Variants in CCDC102B observed in about 807,000 individuals in gnomAD.
The protein encoded by CCDC102B is coiled-coil domain-containing protein 102B.
CCDC102B carries 75 observed loss-of-function variants against 57.4 expected under a neutral mutation model. The ratio of observed to expected loss-of-function variants is 1.31; its 90% CI spans 1.08 to 1.58. CCDC102B has a LOEUF of 1.58. CCDC102B is among the 40% of genes most tolerant of loss of function. The pLI is 0.00. For missense variants in CCDC102B, 636 were observed against 582.6 expected (o/e 1.09, Z -0.94); for synonymous variants, 206 against 201.9 (o/e 1.02, Z -0.17).
rs535114770 is a variant in CCDC102B, at chr18:69,003,017, C to A, written c.1264-7917C>A. On this transcript the variant is annotated intron_variant, in intron 6 of 7. Coordinates refer to ENST00000360242, the MANE Select transcript of CCDC102B (RefSeq NM_024781.3). ...TCATCTTGTCCTCCAATGCTATCTT[C>A]CAGTCTTTCACTTTCTAACGGAAGT... Among the ~76,000 whole-genome samples the A allele has an allele frequency of 3.4e-4, 52 of 152,270 alleles. 1 individual carries two copies. The South Asian group carries it at 0.01, about 30-fold the overall frequency.
intron 1 of CCDC102B, among the ~76,000 whole-genome samples, chr18:68,822,998 C>A (rs1188614792): frequency 6.6e-6 from 1 of 152,172 alleles, no homozygotes; most frequent in African/African-American, 2.4e-5. Flanking sequence ...CCACACTCCC[C>A]TGTAGCACAA....
chr18:68,927,927 G>T (rs2041531326), intron 6 of CCDC102B, among the ~76,000 whole-genome samples: 1 of 151,860 alleles, frequency 6.6e-6, no homozygotes, highest in Admixed American at 6.6e-5. Context: ...CATCTATTCA[G>T]TCATCTTCAG....
intron 6 of CCDC102B, among the ~76,000 whole-genome samples, chr18:68,906,964 TA>T (rs59276928): frequency 0.023 from 3,566 of 151,792 alleles, 146 homozygotes; most frequent in African/African-American, 0.082. Context: ...ACCATTAATC[TA>T]TTTTGAGTTA....
chr18:68,995,015 C>T (rs766173461), intron 6 of CCDC102B, among the ~76,000 whole-genome samples: 2 of 152,136 alleles, frequency 1.3e-5, no homozygotes, highest in Non-Finnish European at 2.9e-5. Flanking sequence ...AATGCTAATA[C>T]CTTAATGGAC....
chr18:68,835,932 A>G (rs955663519), intron 1 of CCDC102B, among the ~76,000 whole-genome samples: 4 of 152,174 alleles, frequency 2.6e-5, no homozygotes, highest in Non-Finnish European at 5.9e-5. Flanking sequence ...GGCTGCCTTG[A>G]GACTAGTCAA....
intron 6 of CCDC102B, among the ~76,000 whole-genome samples, chr18:68,911,473 C>G (rs1233450944): frequency 6.6e-6 from 1 of 150,784 alleles, no homozygotes; most frequent in Non-Finnish European, 1.5e-5. Context: ...TCAGAAAAGG[C>G]CGGGCGCGGT....
chr18:68,939,896 C>T (rs2145164673), intron 6 of CCDC102B, among the ~76,000 whole-genome samples: 1 of 151,892 alleles, frequency 6.6e-6, no homozygotes, highest in South Asian at 2.1e-4. Context: ...AATACCAAAT[C>T]CTTTGAACAT....
intron 5 of CCDC102B, among the ~76,000 whole-genome samples, chr18:68,883,429 T>C (rs895312755): frequency 6.6e-6 from 1 of 151,942 alleles, no homozygotes; most frequent in Non-Finnish European, 1.5e-5. Flanking sequence ...AAAATGTATA[T>C]GTATAAAAAG....
chr18:69,019,267 G>C (rs991362774), intron 7 of CCDC102B, among the ~76,000 whole-genome samples: 2 of 151,870 alleles, frequency 1.3e-5, no homozygotes, highest in African/African-American at 4.8e-5. Flanking sequence ...AATTTCATAG[G>C]TATTGTATTG....
intron 2 of CCDC102B, among the ~76,000 whole-genome samples, chr18:68,724,684 A>G (rs538760513): frequency 1.3e-5 from 2 of 152,314 alleles, no homozygotes; most frequent in South Asian, 2.1e-4. Context: ...AAGCCATTCA[A>G]CAAATTTCTA....
chr18:69,040,431 TGTGA>T (rs2052406393), intron 7 of CCDC102B, among the ~76,000 whole-genome samples: 8 of 135,606 alleles, frequency 5.9e-5, no homozygotes, highest in South Asian at 2.4e-4. Context: ...TGTGTGTGTG[TGTGA>T]GATGGCTTCC....
chr18:68,924,382 C>T (rs1280672060), intron 6 of CCDC102B, among the ~76,000 whole-genome samples: 1 of 152,022 alleles, frequency 6.6e-6, no homozygotes, highest in Non-Finnish European at 1.5e-5. Flanking sequence ...TTTCCCCCTA[C>T]CTCCACCATA....
chr18:68,912,909 TAATTTGGGTTCGTGTGTAC>T (rs1219235746), intron 6 of CCDC102B, among the ~76,000 whole-genome samples: 1 of 152,236 alleles, frequency 6.6e-6, no homozygotes, highest in African/African-American at 2.4e-5. Context: ...TAAATGTCAC[TAATTTGGGTTCGTGTGTAC>T]AATGCAATAT....
At chr18:68,803,737 A>AAGTCAC (rs2035935273) in intron 1 of CCDC102B, among the ~76,000 whole-genome samples, 1 of 150,964 alleles carries the variant, frequency 6.6e-6, no homozygotes, top group African/African-American at 2.5e-5. Flanking sequence ...TCAATGGGAA[A>AAGTCAC]AATCACAATT....
intron 6 of CCDC102B, chr18:68,902,106 G>A (rs965676030): frequency 6.6e-6 from 1 of 152,042 alleles, no homozygotes; most frequent in African/African-American, 2.4e-5. Context: ...CCCTTGCATC[G>A]AATCACTCAC....
At chr18:68,925,953 T>G (rs983961384) in intron 6 of CCDC102B, among the ~76,000 whole-genome samples, 21 of 152,000 alleles carry the variant, frequency 1.4e-4, no homozygotes, top group Admixed American at 1.3e-3. Flanking sequence ...ACACTTTTGT[T>G]TTTTATAAAC....
intron 4 of CCDC102B, among the ~76,000 whole-genome samples, chr18:68,871,565 T>C (rs1417485897): frequency 3.3e-5 from 5 of 152,168 alleles, no homozygotes; most frequent in African/African-American, 1.2e-4. Context: ...AATTAATCTG[T>C]TCATCAGTTT....
At chr18:68,787,859 GC>G (rs1309218700) in intron 2 of CCDC102B, among the ~76,000 whole-genome samples, 1 of 151,508 alleles carries the variant, frequency 6.6e-6, no homozygotes, top group African/African-American at 2.4e-5. Context: ...GTTATTTCTT[GC>G]CTTCTGCTAG....
In CCDC102B at chr18:68,751,283, T is replaced by C. The variant is rs140966156; in HGVS notation, c.-67+34689T>C. 1.1e-3 allele frequency among the ~76,000 whole-genome samples: 163 copies of C among 152,274 alleles called. 1 individual carries two copies. Among genetic ancestry groups the C allele is most frequent in the African/African-American group, 3.9e-3 (161 of 41,554 alleles). On this transcript the variant is annotated intron_variant, in intron 2 of 3. Coordinates refer to the CCDC102B transcript ENST00000578970. ...ATTTTTTCATTAATTAATCAATATG[T>C]AATTTTGTTTTATGTGTGTTTTTGT...
Sources: allele counts gnomAD v4.1 joint callset (sites outside exome capture counted in the v4.1 genomes callset), GRCh38; gene constraint gnomAD v4.1.1; transcripts MANE v1.5; gene names NCBI Gene and HGNC (gene_info 2026-07-23, HGNC 2026-07-21).